SPESP1: variants seen among roughly 807,000 people sequenced by gnomAD.
The protein encoded by SPESP1 is sperm equatorial segment protein 1, also known as equatorial segment protein.
SPESP1 carries 1 observed loss-of-function variant against 3.1 expected under a neutral mutation model. The observed-to-expected ratio is 0.33, with a 90% CI of 0.12 to 1.54. The LOEUF is 1.54. Among genes scored for constraint, SPESP1 ranks in the 40% most tolerant of loss-of-function variants. SPESP1 has a pLI of 0.38. For missense variants in SPESP1, 398 were observed against 410.1 expected (o/e 0.97, Z 0.26); for synonymous variants, 138 against 150.7 (o/e 0.92, Z 0.62).
intron 1 of SPESP1, among the ~76,000 whole-genome samples, chr15:68,943,074 GGTGTGT>G (rs367666234): frequency 1.9e-4 from 28 of 147,820 alleles, no homozygotes; most frequent in African/African-American, 5.4e-4. Context: ...TTAAATGATT[GGTGTGT>G]GTGTGTGTGT....
Position 68,946,773 on chromosome 15 carries a change from C to A in SPESP1, c.*186C>A. ...ATGTGTTATGAACAATTTTCATATG[C>A]ACTAAAAACCTAATTTAAAATAAAA... On this transcript the variant is annotated 3_prime_UTR_variant, in exon 2 of 2. Transcript: ENST00000310673. 1 of 680,372 alleles carries A rather than the reference C, an allele frequency of 1.5e-6. No individual in the cohort carries two copies. Among genetic ancestry groups the A allele is most frequent in the Non-Finnish European group, 2.0e-6 (1 of 494,152 alleles). The allele number at this position is 680,372 out of a possible 1,614,324, so 42.1% of individuals were successfully genotyped here.
chr15:68,933,722 G>C (rs1406262707), intron 1 of SPESP1, among the ~76,000 whole-genome samples: 1 of 151,998 alleles, frequency 6.6e-6, no homozygotes, highest in Non-Finnish European at 1.5e-5. Context: ...AGCCAGATGT[G>C]GTGGGGCAGG....
rs780511604 is a variant in SPESP1, at chr15:68,946,334, TAGC to T, written c.812_814del (p.Ala271del). ...GATCACCTAAAACGAAGCCTTGCTC[TAGC>T]AGCAGCAGCAGAACATAAATTAAAA... is the stretch of plus-strand genomic sequence containing the variant. On this transcript the variant is annotated inframe_deletion, in exon 2 of 2. Coordinates refer to ENST00000310673, the MANE Select transcript of SPESP1 (RefSeq NM_145658.4). 1.2e-6 allele frequency: 2 copies of T among 1,614,132 alleles called. No homozygotes were observed. The highest frequency in any genetic ancestry group is 8.5e-7 in the Non-Finnish European group (1 of 1,180,024).
chr15:68,936,960 CTG>C (rs1326661260), intron 1 of SPESP1, among the ~76,000 whole-genome samples: 2 of 152,068 alleles, frequency 1.3e-5, no homozygotes, highest in South Asian at 2.1e-4. Context: ...ACGTAGTAAG[CTG>C]TGTCTTTTAT....
At position 68,945,615 on chromosome 15, in the gene SPESP1, T is replaced by A; in HGVS notation, c.81T>A (p.Pro27=). Residue 27 remains proline, a synonymous_variant, in exon 2 of 2, where the codon CCT becomes CCA. Coordinates refer to ENST00000310673, the MANE Select transcript of SPESP1 (RefSeq NM_145658.4). ...TCCCTGAAGGCATAACTGTGACACC[T>A]GATGAAGAGCAAAACTTGAATCATT... ...VPAYPSITVT[P]DEEQNLNHYI... is the part of the protein sequence containing the mutation. The A allele has an allele frequency of 5.7e-6, 9 of 1,576,772 alleles. No homozygotes were observed. Among genetic ancestry groups the A allele is most frequent in the Non-Finnish European group, 7.7e-6 (9 of 1,168,042 alleles).
In SPESP1 at chr15:68,946,175, T is replaced by C. The variant is rs1212325551; in HGVS notation, c.641T>C (p.Phe214Ser). Residue 214 changes from phenylalanine (F) to serine (S), a missense_variant, in exon 2 of 2, where the codon TTT (phenylalanine) becomes TCT (serine). By Grantham distance (155) the Phe-to-Ser change is radical. Transcript: ENST00000310673. ...GETAIEKPEE[F>S]GKHPESWNND... ...ACTGCGATAGAAAAACCCGAAGAGT[T>C]TGGAAAGCACCCAGAGAGTTGGAAT... 3.1e-6 allele frequency: 5 copies of C among 1,614,010 alleles called. No homozygotes were observed. The highest frequency in any genetic ancestry group is 4.2e-6 in the Non-Finnish European group (5 of 1,180,042).
In SPESP1 at chr15:68,946,078, A is replaced by G; in HGVS notation, c.544A>G (p.Thr182Ala). 6.2e-7 allele frequency: 1 copy of G among 1,614,196 alleles called. No individual in the cohort carries two copies. Among genetic ancestry groups the G allele is most frequent in the Non-Finnish European group, 8.5e-7 (1 of 1,180,028 alleles). Residue 182 changes from threonine to alanine, a missense_variant, in exon 2 of 2, where the codon ACC becomes GCC. Physicochemically the swap from Thr to Ala is moderately conservative, Grantham distance 58 (BLOSUM62 0). Transcript: ENST00000310673. ...PYVTSYKSPV[T>A]TLDKSTGIGI... is the part of the protein sequence containing the mutation. ...TGTTACCTCATACAAGTCACCTGTCACCACTTTAGATAAGAGCACTGGCAT... is the reference window on the plus strand; with the variant it reads ...TGTTACCTCATACAAGTCACCTGTCGCCACTTTAGATAAGAGCACTGGCAT...
At chr15:68,944,585 C>T (rs978249714) in intron 1 of SPESP1, among the ~76,000 whole-genome samples, 1 of 152,080 alleles carries the variant, frequency 6.6e-6, no homozygotes, top group African/African-American at 2.4e-5. Context: ...TGAAGTAGAA[C>T]TACCATTTTG....
chr15:68,933,370 G>T (rs1284615777), intron 1 of SPESP1, among the ~76,000 whole-genome samples: 1 of 152,094 alleles, frequency 6.6e-6, no homozygotes, highest in East Asian at 1.9e-4. Flanking sequence ...TCCTGATGGT[G>T]CTGGAGAAAC....
Position 68,946,584 on chromosome 15 carries a change from T to G in SPESP1, c.1050T>G (p.Tyr350Ter). 1.4e-6 allele frequency: 2 copies of G among 1,451,980 alleles called. No homozygotes were observed. Among genetic ancestry groups the G allele is most frequent in the Non-Finnish European group, 1.8e-6 (2 of 1,105,818 alleles). The allele number at this position is 1,451,980 out of a possible 1,614,324, so 89.9% of individuals were successfully genotyped here. Residue 350 changes from tyrosine to a stop codon, truncating the protein, a stop_gained, in exon 2 of 2, where the codon TAT (tyrosine) becomes TAG (stop). Transcript: ENST00000310673. LOFTEE classifies it high-confidence loss of function. ...SRRVTALLKV[Y>*] Reference sequence around the variant, plus strand: ...GAGTCACAGCCTTATTAAAAGTTTATTAAACAATAATATAAAAATTTTAAA... The same window carrying G: ...GAGTCACAGCCTTATTAAAAGTTTAGTAAACAATAATATAAAAATTTTAAA...
chr15:68,942,329 T>C (rs913822675), intron 1 of SPESP1, among the ~76,000 whole-genome samples: 1 of 152,194 alleles, frequency 6.6e-6, no homozygotes, highest in Non-Finnish European at 1.5e-5. Flanking sequence ...AGCTTTTCAA[T>C]GGATTCTTTT....
chr15:68,941,801 C>T lies in SPESP1; in HGVS notation c.65-3798C>T, dbSNP rs895974342. The stretch of plus-strand genomic sequence containing the variant: ...CTTTGAATATTCATTATTTAGCCTA[C>T]TATAACTCTTCATATTGATTTTGGC... On this transcript the variant is annotated intron_variant, in intron 1 of 1. Transcript: ENST00000310673. Among the ~76,000 whole-genome samples, 5 of 152,142 alleles carry T rather than the reference C, an allele frequency of 3.3e-5. No homozygotes were observed. In the East Asian group the frequency reaches 7.7e-4, roughly 23 times the overall value.
Position 68,935,004 on chromosome 15 carries a change from T to G in SPESP1, c.64+4287T>G, listed in dbSNP as rs1371708540. On this transcript the variant is annotated intron_variant, in intron 1 of 1. Transcript: ENST00000310673. ...GTCTTTCCCACTCTATCTTTCTCAC[T>G]CTGAATGGAATTAACTGTCTTTCCA... Among the ~76,000 whole-genome samples, 11 of 152,238 alleles carry G rather than the reference T, an allele frequency of 7.2e-5. No homozygotes were observed. The South Asian group carries it at 1.7e-3, about 23-fold the overall frequency.
intron 1 of SPESP1, among the ~76,000 whole-genome samples, chr15:68,943,555 G>T (rs1039704834): frequency 1.3e-5 from 2 of 152,018 alleles, no homozygotes; most frequent in African/African-American, 4.8e-5. Context: ...AGGTGAAATG[G>T]GTTAATATAA....
intron 1 of SPESP1, among the ~76,000 whole-genome samples, chr15:68,943,089 G>A (rs182049630): frequency 7.6e-4 from 115 of 152,100 alleles, no homozygotes; most frequent in Non-Finnish European, 1.5e-3. Context: ...GTGTGTGTGT[G>A]TGTGTGTGTA....
Position 68,930,679 on chromosome 15 carries a change from C to A in SPESP1, c.26C>A (p.Ala9Glu), listed in dbSNP as rs368487764. Residue 9 changes from alanine (A) to glutamate (E), a missense_variant, in exon 1 of 2, where the codon GCG becomes GAG. Coordinates refer to ENST00000310673, the MANE Select transcript of SPESP1 (RefSeq NM_145658.4). Reference sequence around the variant, plus strand: ...ATGAAGCCCTTAGTCCTTCTAGTTGCGCTTTTGCTATGGCCTTCGTCTGTG... The same window carrying A: ...ATGAAGCCCTTAGTCCTTCTAGTTGAGCTTTTGCTATGGCCTTCGTCTGTG... The part of the protein sequence containing the change: MKPLVLLV[A>E]LLLWPSSVPA... 1 of 1,613,900 alleles carries A rather than the reference C, an allele frequency of 6.2e-7. No individual in the cohort carries two copies. The highest frequency in any genetic ancestry group is 8.5e-7 in the Non-Finnish European group (1 of 1,179,922).
At chr15:68,942,844 A>C (rs927084748) in intron 1 of SPESP1, among the ~76,000 whole-genome samples, 1 of 152,130 alleles carries the variant, frequency 6.6e-6, no homozygotes. Context: ...CCAGGATCAA[A>C]TATTTTATTT....
At chr15:68,936,548 A>G (rs1452355833) in intron 1 of SPESP1, among the ~76,000 whole-genome samples, 1 of 152,220 alleles carries the variant, frequency 6.6e-6, no homozygotes. Context: ...GTGGTTGTCC[A>G]GGGTCTGGGG....
chr15:68,946,744 T>G lies in SPESP1; in HGVS notation c.*157T>G, dbSNP rs895668696. On this transcript the variant is annotated 3_prime_UTR_variant, in exon 2 of 2. Coordinates refer to ENST00000310673, the MANE Select transcript of SPESP1 (RefSeq NM_145658.4). ...GTTCAAATGTGCCAACATCTTTATGTGTCATGTGTTATGAACAATTTTCAT... is the reference window on the plus strand; with the variant it reads ...GTTCAAATGTGCCAACATCTTTATGGGTCATGTGTTATGAACAATTTTCAT... 6 of 976,508 alleles carry G rather than the reference T, an allele frequency of 6.1e-6. No individual in the cohort carries two copies. In the African/African-American group the frequency reaches 6.8e-5, roughly 11 times the overall value. The allele number at this position is 976,508 out of a possible 1,614,324, so 60.5% of individuals were successfully genotyped here. A position where few individuals can be genotyped will look rare whatever the true frequency, so the allele number is the denominator to read the frequency against.
Sources: allele counts gnomAD v4.1 joint callset (sites outside exome capture counted in the v4.1 genomes callset), GRCh38; gene constraint gnomAD v4.1.1; transcripts MANE v1.5; gene names NCBI Gene and HGNC (gene_info 2026-07-23, HGNC 2026-07-21).